The following NMRAL1 variants were observed in gnomAD, a reference collection of about 807,000 sequenced individuals.
NMRAL1 encodes NmrA like redox sensor 1.
NMRAL1 carries 32 observed loss-of-function variants against 27.5 expected under a neutral mutation model. The observed-to-expected ratio is 1.16, with a 90% CI of 0.88 to 1.56. NMRAL1 has a LOEUF of 1.56. Among genes scored for constraint, NMRAL1 ranks in the 40% most tolerant of loss-of-function variants. NMRAL1 has a pLI of 0.00. For missense variants in NMRAL1, 420 were observed against 392.0 expected (o/e 1.07, Z -0.60); for synonymous variants, 166 against 166.8 (o/e 1.00, Z 0.04).
intron 5 of NMRAL1, 36 bp downstream of exon 5, chr16:4,463,624 C>A (rs1340248733): frequency 6.2e-7 from 1 of 1,606,530 alleles, no homozygotes; most frequent in Non-Finnish European, 8.5e-7. Context: ...AAAGCCCTGA[C>A]AAGGATGCCT....
rs368226919 is a variant in NMRAL1 at position 4,474,166 on chromosome 16, T to A, written c.-34A>T. 44 of 1,604,980 alleles carry A rather than the reference T, an allele frequency of 2.7e-5. No homozygotes were observed. In the Middle Eastern group the frequency reaches 6.6e-4, roughly 24 times the overall value. ...GAATGGGACGAATCCGGTCCAGAGA[T>A]CTGGGGGTAATGGGAGGCGTGGAGT... On this transcript the variant is annotated splice_region_variant and 5_prime_UTR_variant, in exon 2 of 6. Transcript: ENST00000283429.
chr16:4,463,470 A>G (rs989146354), intron 5 of NMRAL1, 190 bp downstream of exon 5: 4 of 576,136 alleles, frequency 6.9e-6, no homozygotes, highest in Non-Finnish European at 1.2e-5. Context: ...CTATTTGGTC[A>G]AAACATCTAA....
intron 4 of NMRAL1, chr16:4,464,234 A>G: frequency 3.9e-6 from 1 of 254,638 alleles, no homozygotes; most frequent in South Asian, 8.6e-5. Flanking sequence ...GGTCTCCGCT[A>G]ATCTGGAGGC....
chr16:4,475,635 G>T (rs951512822), upstream of NMRAL1, among the ~76,000 whole-genome samples: 59 of 151,728 alleles, frequency 3.9e-4, no homozygotes, highest in African/African-American at 1.4e-3. Context: ...ATTTCTTTGT[G>T]TTCAGTAAAA....
intron 2 of NMRAL1, 115 bp from the exon 3 acceptor site, chr16:4,469,580 A>C: frequency 6.5e-7 from 1 of 1,533,612 alleles, no homozygotes; most frequent in Non-Finnish European, 8.7e-7. Flanking sequence ...AACCTTCTCA[A>C]CGACGATTCT....
At position 4,466,482 on chromosome 16, in the gene NMRAL1, C is replaced by T. The variant is rs571867332; in HGVS notation, c.280-80G>A. 21 of 1,470,718 alleles carry T rather than the reference C, an allele frequency of 1.4e-5. 1 individual carries two copies. Among genetic ancestry groups the T allele is most frequent in the South Asian group, 4.9e-5 (4 of 82,426 alleles). 91.1% of individuals were successfully genotyped at this position (1,470,718 alleles called of 1,614,324 possible). ...GGTCACAGCCCCAGCATTCTAATCCCGGAGCGGCCACCATCTGCGAGGTTA... is the reference window on the plus strand; with the variant it reads ...GGTCACAGCCCCAGCATTCTAATCCTGGAGCGGCCACCATCTGCGAGGTTA... On this transcript the variant is annotated intron_variant, in intron 3 of 5. Coordinates refer to ENST00000283429, the MANE Select transcript of NMRAL1 (RefSeq NM_020677.6).
chr16:4,466,628 ATG>A, intron 3 of NMRAL1: 1 of 565,418 alleles, frequency 1.8e-6, no homozygotes, highest in Non-Finnish European at 3.2e-6. Flanking sequence ...CTGGCCCACC[ATG>A]TGCAACATAG....
In NMRAL1 at chr16:4,463,724, T is replaced by G; in HGVS notation, c.656A>C (p.His219Pro). ...CAGGGCAGCGTACTCCTCGGCCGTG[T>G]GCCTGCAAGTGCTCAGCCCGATGTT... ...GQNIGLSTCR[H>P]TAEEYAALLT... is the part of the protein sequence containing the mutation. Residue 219 changes from histidine to proline, a missense_variant, in exon 5 of 6, where the codon CAC becomes CCC. Coordinates refer to ENST00000283429, the MANE Select transcript of NMRAL1 (RefSeq NM_020677.6). 1 of 1,614,060 alleles carries G rather than the reference T, an allele frequency of 6.2e-7. No homozygotes were observed. Among genetic ancestry groups the G allele is most frequent in the Non-Finnish European group, 8.5e-7 (1 of 1,180,022 alleles).
chr16:4,475,773 T>A (rs575301110), upstream of NMRAL1, among the ~76,000 whole-genome samples: 5 of 151,912 alleles, frequency 3.3e-5, no homozygotes, highest in East Asian at 9.8e-4. Flanking sequence ...CCCCCGTCTC[T>A]ACTAAAAATA....
intron 4 of NMRAL1, among the ~76,000 whole-genome samples, chr16:4,464,563 G>A (rs928693377): frequency 1.3e-5 from 2 of 151,764 alleles, no homozygotes; most frequent in Admixed American, 6.6e-5. Flanking sequence ...CTGGGAGCTC[G>A]AGGGCACAGA....
chr16:4,475,427 T>C (rs2057792994), upstream of NMRAL1, among the ~76,000 whole-genome samples: 1 of 150,908 alleles, frequency 6.6e-6, no homozygotes, highest in Non-Finnish European at 1.5e-5. Flanking sequence ...CCTGCCTCAG[T>C]TTCCTGAGTA....
intron 5 of NMRAL1, among the ~76,000 whole-genome samples, chr16:4,462,856 C>G (rs1464455561): frequency 6.6e-6 from 1 of 151,592 alleles, no homozygotes; most frequent in Admixed American, 6.6e-5. Context: ...CAGTGTTTCC[C>G]AGATTCTTTT....
chr16:4,466,097 C>T (rs2057312410), intron 4 of NMRAL1, 56 bp downstream of exon 4: 6 of 1,603,674 alleles, frequency 3.7e-6, no homozygotes, highest in Middle Eastern at 1.7e-4. Flanking sequence ...TCTGTTACAC[C>T]AACGGCTTTA....
At chr16:4,475,295 T>G (rs530841193), upstream of NMRAL1, among the ~76,000 whole-genome samples, 20 of 150,216 alleles carry the variant, frequency 1.3e-4, no homozygotes, top group South Asian at 1.1e-3. Context: ...CTGATTTCAG[T>G]TTTTTTTTGT....
chr16:4,469,852 G>A (rs1254551212), intron 2 of NMRAL1, among the ~76,000 whole-genome samples: 1 of 146,458 alleles, frequency 6.8e-6, no homozygotes, highest in East Asian at 2.0e-4. Context: ...GGGTGACACA[G>A]CGAGAATCTG....
At chr16:4,470,238 G>T (rs1455682046) in intron 2 of NMRAL1, among the ~76,000 whole-genome samples, 6 of 151,014 alleles carry the variant, frequency 4.0e-5, no homozygotes, top group Non-Finnish European at 5.9e-5. Flanking sequence ...GAGAGGCCGA[G>T]GGGGGTAGAT....
At chr16:4,476,286 C>T (rs1223531105), upstream of NMRAL1, 2 of 152,322 alleles carry the variant, frequency 1.3e-5, no homozygotes, top group South Asian at 2.1e-4. Context: ...TGGGGAAAGC[C>T]ACATACTCCG....
chr16:4,462,048 G>T (rs373340734), intron 5 of NMRAL1, 89 bp from the exon 6 acceptor site: 1 of 1,047,342 alleles, frequency 9.5e-7, no homozygotes, highest in East Asian at 2.4e-5. Context: ...GGGGTCTCCC[G>T]ACCTGCTACA....
At chr16:4,471,373 T>G (rs1282455541) in intron 2 of NMRAL1, 1 of 152,030 alleles carries the variant, frequency 6.6e-6, no homozygotes, top group East Asian at 1.9e-4. Flanking sequence ...TCCAGACACT[T>G]TGGGAGGCTG....
Sources: gnomAD v4.1 joint callset for allele counts (sites outside exome capture counted in the v4.1 genomes callset) on GRCh38, gnomAD v4.1.1 for gene constraint, MANE v1.5 for transcripts, NCBI Gene and HGNC (gene_info 2026-07-23, HGNC 2026-07-21) for gene names.